The following PTPRQ variants were observed in gnomAD, a reference collection of about 807,000 sequenced individuals.
The protein encoded by PTPRQ is phosphatidylinositol phosphatase PTPRQ.
In PTPRQ, 199 loss-of-function variants were observed where a neutral mutation model predicts 246.0. The ratio of observed to expected loss-of-function variants is 0.81; its 90% CI spans 0.72 to 0.91. PTPRQ has a LOEUF of 0.91. PTPRQ is among the 40% of genes least tolerant of loss of function. PTPRQ has a pLI of 0.00. For missense variants in PTPRQ, 2,624 were observed against 2,528.4 expected (o/e 1.04, Z -0.81); for synonymous variants, 869 against 853.2 (o/e 1.02, Z -0.32).
chr12:80,558,742 C>T (rs141402607), intron 25 of PTPRQ, among the ~76,000 whole-genome samples: 307 of 152,240 alleles, frequency 2.0e-3, no homozygotes, highest in Non-Finnish European at 3.6e-3. Flanking sequence ...TTTAAATTCA[C>T]ACCAACAATG....
At chr12:80,484,313 G>C in intron 8 of PTPRQ, 120 bp from the exon 9 acceptor site, 2 of 1,276,188 alleles carry the variant, frequency 1.6e-6, no homozygotes, top group Non-Finnish European at 1.0e-6. Context: ...AGCCTAGTCT[G>C]TTTTCTAATA....
chr12:80,676,909 C>T (rs185155685), intron 43 of PTPRQ, among the ~76,000 whole-genome samples: 5 of 152,276 alleles, frequency 3.3e-5, no homozygotes, highest in Admixed American at 2.6e-4. Flanking sequence ...CACACTCCCA[C>T]CCCCAGATGA....
chr12:80,644,623 A>T (rs972386522), intron 35 of PTPRQ, among the ~76,000 whole-genome samples: 4 of 152,046 alleles, frequency 2.6e-5, no homozygotes, highest in Non-Finnish European at 5.9e-5. Flanking sequence ...GTGCTTATTT[A>T]AGCAAACAGT....
At chr12:80,450,587 A>G (rs1166665335) in intron 3 of PTPRQ, among the ~76,000 whole-genome samples, 2 of 152,046 alleles carry the variant, frequency 1.3e-5, no homozygotes, top group East Asian at 1.9e-4. Context: ...TTTAGCATGA[A>G]GCATTGTTGA....
intron 8 of PTPRQ, among the ~76,000 whole-genome samples, chr12:80,479,966 A>T (rs1192119791): frequency 6.6e-6 from 1 of 151,910 alleles, no homozygotes; most frequent in African/African-American, 2.4e-5. Context: ...CAGATCAACA[A>T]GACAGAAAGT....
chr12:80,582,094 A>G (rs1051719721), intron 25 of PTPRQ, among the ~76,000 whole-genome samples: 3 of 152,226 alleles, frequency 2.0e-5, no homozygotes, highest in African/African-American at 7.2e-5. Flanking sequence ...AGGCTTGTAC[A>G]TTACAGCTTG....
chr12:80,611,377 T>C (rs1898544919), intron 28 of PTPRQ, among the ~76,000 whole-genome samples: 1 of 150,368 alleles, frequency 6.7e-6, no homozygotes, highest in South Asian at 2.1e-4. Flanking sequence ...GTATAGGAAG[T>C]AAAATTTTTT....
chr12:80,674,503 G>C (rs1276066717), intron 43 of PTPRQ, among the ~76,000 whole-genome samples: 1 of 152,006 alleles, frequency 6.6e-6, no homozygotes, highest in African/African-American at 2.4e-5. Context: ...AATCCTCCTT[G>C]GAAGATGCTG....
chr12:80,473,022 T>TACACACACACACAC (rs371484292), intron 8 of PTPRQ, among the ~76,000 whole-genome samples: 5 of 129,122 alleles, frequency 3.9e-5, no homozygotes, highest in African/African-American at 1.4e-4. Flanking sequence ...TAGACATGTA[T>TACACACACACACAC]ACACACACAC....
intron 14 of PTPRQ, among the ~76,000 whole-genome samples, chr12:80,502,545 A>G (rs1894835454): frequency 1.3e-5 from 2 of 151,910 alleles, no homozygotes; most frequent in South Asian, 4.1e-4. Context: ...TTCCAATTGT[A>G]ATTTTCCCAG....
chr12:80,617,982 C>A (rs1898827963), intron 30 of PTPRQ, among the ~76,000 whole-genome samples: 1 of 151,256 alleles, frequency 6.6e-6, no homozygotes, highest in South Asian at 2.1e-4. Context: ...AGGTGTCATA[C>A]CTGTGATCTG....
At chr12:80,652,647 T>C in intron 37 of PTPRQ, 97 bp from the exon 38 acceptor site, 1 of 1,239,246 alleles carries the variant, frequency 8.1e-7, no homozygotes, top group Non-Finnish European at 1.1e-6. Flanking sequence ...ATTTAAAAAT[T>C]AAAAAAAAAG....
chr12:80,645,929 T>C (rs1900056532), intron 35 of PTPRQ, among the ~76,000 whole-genome samples: 1 of 152,116 alleles, frequency 6.6e-6, no homozygotes, highest in South Asian at 2.1e-4. Context: ...GAAAACTGAA[T>C]TATTATGGTC....
intron 43 of PTPRQ, among the ~76,000 whole-genome samples, chr12:80,676,472 G>A (rs368522305): frequency 6.6e-6 from 1 of 152,028 alleles, no homozygotes; most frequent in African/African-American, 2.4e-5. Context: ...GTGAAACCCC[G>A]TCTATACTAA....
chr12:80,505,652 G>C lies in PTPRQ; in HGVS notation c.2273-372G>C, dbSNP rs1894933397. ...TGCTGTCGACCAAAACTAACCTACT[G>C]ATCTTTTTTTCATATTATTATTAAT... On this transcript the variant is annotated intron_variant, in intron 14 of 44. Transcript: ENST00000644991. 2.0e-5 allele frequency among the ~76,000 whole-genome samples: 3 copies of C among 151,778 alleles called. No individual in the cohort carries two copies. The South Asian group carries it at 6.2e-4, about 32-fold the overall frequency.
intron 3 of PTPRQ, among the ~76,000 whole-genome samples, chr12:80,454,263 G>A (rs1162727728): frequency 6.7e-6 from 1 of 150,162 alleles, no homozygotes; most frequent in Non-Finnish European, 1.5e-5. Flanking sequence ...TTTTCCAGGT[G>A]CCATCTGTCA....
rs186744170 is a variant in PTPRQ at position 80,570,538 on chromosome 12, G to T, written c.4286-17591G>T. On this transcript the variant is annotated intron_variant, in intron 25 of 44. Coordinates refer to ENST00000644991, the MANE Select transcript of PTPRQ (RefSeq NM_001145026.2). ...TTTTCTCCCATTCTATAGTTTGCCT[G>T]TTCACTCTGATGATACTTTCTTTTG... Among the ~76,000 whole-genome samples, 346 of 152,130 alleles carry T rather than the reference G, an allele frequency of 2.3e-3. 1 individual carries two copies. The highest frequency in any genetic ancestry group is 3.9e-3 in the Non-Finnish European group (267 of 67,994).
In PTPRQ at chr12:80,531,658, A is replaced by G. The variant is rs557168518; in HGVS notation, c.2679-2357A>G. Among the ~76,000 whole-genome samples the G allele has an allele frequency of 4.6e-5, 7 of 152,296 alleles. No homozygotes were observed. The South Asian group carries it at 1.5e-3, about 32-fold the overall frequency. ...TGTCTCCTTTCTCTTTCTTTTAGTT[A>G]TCAGTTTTATAGCAAATAACCTCTT... On this transcript the variant is annotated intron_variant, in intron 17 of 44. Transcript: ENST00000644991.
rs371990632 is a variant in PTPRQ, at chr12:80,459,662, T to G, written c.660+179T>G. Among the ~76,000 whole-genome samples the G allele has an allele frequency of 7.9e-5, 12 of 152,308 alleles. No individual in the cohort carries two copies. The East Asian group carries it at 1.7e-3, about 22-fold the overall frequency. ...TTACTTAGGGTATCATGTAACACAATTGGCCTCATTCAGGTAGAATACAGG... is the reference window on the plus strand; with the variant it reads ...TTACTTAGGGTATCATGTAACACAAGTGGCCTCATTCAGGTAGAATACAGG... On this transcript the variant is annotated intron_variant, in intron 5 of 44. Coordinates refer to ENST00000644991, the MANE Select transcript of PTPRQ (RefSeq NM_001145026.2).
Sources: allele counts gnomAD v4.1 joint callset (sites outside exome capture counted in the v4.1 genomes callset), GRCh38; gene constraint gnomAD v4.1.1; transcripts MANE v1.5; gene names NCBI Gene and HGNC (gene_info 2026-07-23, HGNC 2026-07-21).